Variants in ANKS1A observed in about 807,000 individuals in gnomAD.
ANKS1A encodes ankyrin repeat and sterile alpha motif domain containing 1A, also known as ankyrin repeat and SAM domain-containing protein 1A.
Under a neutral mutation model 120.3 loss-of-function variants are expected in ANKS1A, and 55 were observed. The ratio of observed to expected loss-of-function variants is 0.46; its 90% CI spans 0.37 to 0.57. The LOEUF is 0.57. Ranked by LOEUF, ANKS1A falls within the 20% of genes least tolerant of loss-of-function variation. The pLI is 0.00. For synonymous variants in ANKS1A, 590 were observed against 604.7 expected (o/e 0.98, Z 0.36); for missense variants, 1,123 against 1,480.3 (o/e 0.76, Z 3.96).
chr6:35,061,270 C>T (rs1039893461), intron 13 of ANKS1A, among the ~76,000 whole-genome samples: 1 of 152,238 alleles, frequency 6.6e-6, no homozygotes, highest in Non-Finnish European at 1.5e-5. Flanking sequence ...CTCTGCTGCA[C>T]AGCCTCTTTC....
intron 1 of ANKS1A, among the ~76,000 whole-genome samples, chr6:34,935,979 G>A (rs944576467): frequency 6.8e-6 from 1 of 146,666 alleles, no homozygotes; most frequent in Non-Finnish European, 1.5e-5. Flanking sequence ...GGAGAATGGC[G>A]TGAACCCGGG....
In ANKS1A at chr6:35,086,302, C is replaced by T; in HGVS notation, c.3303+366C>T. 1 of 1,310,818 alleles carries T rather than the reference C, an allele frequency of 7.6e-7. No individual in the cohort carries two copies. Among genetic ancestry groups the T allele is most frequent in the Non-Finnish European group, 1.0e-6 (1 of 1,003,460 alleles). 81.2% of individuals were successfully genotyped at this position (1,310,818 alleles called of 1,614,324 possible). ...TGCCCCCCGATAGTCGCTGTTGTTA[C>T]TGTCACACCTGCACCACCCACCGTC... On this transcript the variant is annotated intron_variant, in intron 22 of 23. Coordinates refer to ENST00000360359, the MANE Select transcript of ANKS1A (RefSeq NM_015245.3). The surrounding 1 kb of genome is among the most constrained non-coding windows in gnomAD (Gnocchi z 5.1).
intron 10 of ANKS1A, among the ~76,000 whole-genome samples, chr6:35,007,278 C>G (rs1471764038): frequency 1.3e-5 from 2 of 152,058 alleles, no homozygotes; most frequent in Non-Finnish European, 2.9e-5. Context: ...CCATTTGTGC[C>G]TATAGAAGAA....
chr6:35,075,897 A>G (rs947794312), intron 13 of ANKS1A, among the ~76,000 whole-genome samples: 11 of 152,082 alleles, frequency 7.2e-5, no homozygotes, highest in African/African-American at 2.4e-4. Context: ...AGTAGCTGAG[A>G]CCACAGCTGC....
intron 13 of ANKS1A, chr6:35,070,969 T>C (rs1187097617): frequency 3.4e-6 from 2 of 588,782 alleles, no homozygotes; most frequent in Non-Finnish European, 6.4e-6. Flanking sequence ...CTTTCCAGGG[T>C]TTCCCCTCTC....
intron 9 of ANKS1A, among the ~76,000 whole-genome samples, chr6:34,994,005 T>C (rs1772713949): frequency 6.6e-6 from 1 of 152,162 alleles, no homozygotes; most frequent in Non-Finnish European, 1.5e-5. Context: ...AGGATCTTGT[T>C]CTGTCACCCA....
rs780547120 is a variant in ANKS1A at position 35,017,725 on chromosome 6, C to T, written c.1676C>T (p.Ala559Val). ...GCTCCTGGAGCCTCCCAGCCCAGTG[C>T]CCTGGACCAGAGCAAGAGAGTGGGC... is the stretch of plus-strand genomic sequence containing the variant. ...VHAPGASQPSALDQSKRVGYL... is the reference protein window; with the variant it reads ...VHAPGASQPSVLDQSKRVGYL... The change falls in exon 11 of 24, where the codon GCC (alanine) becomes GTC (valine). Residue 559 changes from alanine to valine, a missense_variant. Transcript: ENST00000360359. 6.2e-7 allele frequency: 1 copy of T among 1,614,030 alleles called. No individual in the cohort carries two copies. The highest frequency in any genetic ancestry group is 8.5e-7 in the Non-Finnish European group (1 of 1,180,030).
At chr6:35,038,724 G>T (rs1402730960) in intron 11 of ANKS1A, among the ~76,000 whole-genome samples, 2 of 152,070 alleles carry the variant, frequency 1.3e-5, no homozygotes, top group African/African-American at 4.8e-5. Context: ...GGACTCAAGA[G>T]GTCTTCCTGC....
chr6:34,965,414 C>T (rs757896070), intron 1 of ANKS1A, among the ~76,000 whole-genome samples: 3 of 151,808 alleles, frequency 2.0e-5, no homozygotes, highest in Non-Finnish European at 4.4e-5. Context: ...TGTAGTGGCA[C>T]GATCTTGGCT....
chr6:34,936,989 A>C (rs1769287669), intron 1 of ANKS1A, among the ~76,000 whole-genome samples: 1 of 152,232 alleles, frequency 6.6e-6, no homozygotes, highest in Admixed American at 6.5e-5. Flanking sequence ...AGAGGCTTAG[A>C]GTCTAGAAAG....
intron 13 of ANKS1A, among the ~76,000 whole-genome samples, chr6:35,069,716 TA>T (rs1415890477): frequency 9.9e-5 from 5 of 50,274 alleles, no homozygotes; most frequent in Non-Finnish European, 2.0e-4. Context: ...AATATATATA[TA>T]TTTTTTTTTT....
intron 1 of ANKS1A, among the ~76,000 whole-genome samples, chr6:34,899,804 C>A (rs1767259783): frequency 6.6e-6 from 1 of 152,234 alleles, no homozygotes; most frequent in Non-Finnish European, 1.5e-5. Flanking sequence ...TTCCTCTGAT[C>A]CAGCCTGGTG....
At chr6:35,061,679 T>C (rs1776513808) in intron 13 of ANKS1A, among the ~76,000 whole-genome samples, 1 of 152,254 alleles carries the variant, frequency 6.6e-6, no homozygotes, top group Non-Finnish European at 1.5e-5. Context: ...ATTTTCAGCT[T>C]TTAGAAATCT....
chr6:35,009,536 GA>G (rs776404480), intron 10 of ANKS1A, among the ~76,000 whole-genome samples: 1 of 152,272 alleles, frequency 6.6e-6, no homozygotes, highest in East Asian at 1.9e-4. Context: ...TTGGAAATAT[GA>G]GTCTGATGAG....
At chr6:35,034,977 C>T (rs964049551) in intron 11 of ANKS1A, among the ~76,000 whole-genome samples, 1 of 152,226 alleles carries the variant, frequency 6.6e-6, no homozygotes, top group Admixed American at 6.5e-5. Context: ...ACACTGGTGG[C>T]GATAGCCTGT....
chr6:35,041,087 T>TG (rs1775433287), intron 11 of ANKS1A, among the ~76,000 whole-genome samples: 1 of 152,234 alleles, frequency 6.6e-6, no homozygotes, highest in African/African-American at 2.4e-5. Flanking sequence ...ACAATGGGGA[T>TG]GTTATAAAGT....
At chr6:34,919,014 G>C (rs1030997597) in intron 1 of ANKS1A, among the ~76,000 whole-genome samples, 14 of 152,120 alleles carry the variant, frequency 9.2e-5, no homozygotes, top group African/African-American at 3.1e-4. Flanking sequence ...ACCATGCCCG[G>C]CTAATTTTTG....
At chr6:34,906,622 A>T (rs926786290) in intron 1 of ANKS1A, among the ~76,000 whole-genome samples, 1 of 152,228 alleles carries the variant, frequency 6.6e-6, no homozygotes, top group Non-Finnish European at 1.5e-5. Flanking sequence ...TAATGAGGGG[A>T]ATAGAAAATC....
chr6:35,028,847 A>G lies in ANKS1A; in HGVS notation c.2010+10788A>G, dbSNP rs142634894. ...TGTTTCTTGTAGGTGGACATTCTAC[A>G]TGTTACCAAGCTTTTACTGATTAAA... is the stretch of plus-strand genomic sequence containing the variant. On this transcript the variant is annotated intron_variant, in intron 11 of 23. Transcript: ENST00000360359. 1.3e-3 allele frequency among the ~76,000 whole-genome samples: 204 copies of G among 152,354 alleles called. 2 individuals are homozygous for G. The highest frequency in any genetic ancestry group is 4.6e-3 in the African/African-American group (193 of 41,578).
Sources: gnomAD v4.1 joint callset for allele counts (sites outside exome capture counted in the v4.1 genomes callset) on GRCh38, gnomAD v4.1.1 for gene constraint, Gnocchi (gnomAD v3.1) non-coding constraint, MANE v1.5 for transcripts, NCBI Gene and HGNC (gene_info 2026-07-23, HGNC 2026-07-21) for gene names.